GP6: variants seen among roughly 807,000 people sequenced by gnomAD.
The protein encoded by GP6 is glycoprotein VI platelet.
In GP6, 45 loss-of-function variants were observed where a neutral mutation model predicts 37.3. That is an observed-to-expected ratio of 1.21 (90% CI 0.95 to 1.55). GP6 has a LOEUF of 1.55. GP6 is among the 40% of genes most tolerant of loss of function. GP6 has a pLI of 0.00. For synonymous variants in GP6, 340 were observed against 316.4 expected (o/e 1.07, Z -0.79); for missense variants, 813 against 760.2 (o/e 1.07, Z -0.82).
rs146963210 is a variant in GP6, at chr19:55,015,816, CAT to C, written c.725-85_725-84del. On this transcript the variant is annotated intron_variant, in intron 6 of 7. Transcript: ENST00000310373. The stretch of plus-strand genomic sequence containing the variant: ...TGTGCCTACTCCGAACACACACACA[CAT>C]GGGGAGGCACAATTCCACAGCATTT... 3.2e-3 allele frequency: 2,533 copies of C among 781,344 alleles called. 27 individuals carry two copies. The highest frequency in any genetic ancestry group is 0.032 in the African/African-American group (1,934 of 59,824). The allele number at this position is 781,344 out of a possible 1,614,324, so 48.4% of individuals were successfully genotyped here.
rs374842617 is a variant in GP6 at position 55,025,280 on chromosome 19, T to A, written c.611-9A>T. 7.8e-6 allele frequency: 12 copies of A among 1,530,150 alleles called. No homozygotes were observed. In the African/African-American group the frequency reaches 1.4e-4, roughly 18 times the overall value. The allele number at this position is 1,530,150 out of a possible 1,614,324, so 94.8% of individuals were successfully genotyped here. A position where few individuals can be genotyped will look rare whatever the true frequency, so the allele number is the denominator to read the frequency against. On this transcript the variant is annotated splice_polypyrimidine_tract_variant and intron_variant, in intron 4 of 7. Coordinates refer to ENST00000310373, the MANE Select transcript of GP6 (RefSeq NM_001083899.2). The stretch of plus-strand genomic sequence containing the variant: ...GGGGGTCACAGAGGTTCCTGGGAAA[T>A]CAGAAAATGAGATAAATCTGTGCTC...
At position 55,018,500 on chromosome 19, in the gene GP6, T is replaced by C. The variant is rs1244930805; in HGVS notation, c.724+152A>G. The C allele has an allele frequency of 5.4e-6, 4 of 747,490 alleles. No homozygotes were observed. In the African/African-American group the frequency reaches 6.8e-5, roughly 13 times the overall value. The allele number at this position is 747,490 out of a possible 1,614,324, so 46.3% of individuals were successfully genotyped here. A position where few individuals can be genotyped will look rare whatever the true frequency, so the allele number is the denominator to read the frequency against. On this transcript the variant is annotated intron_variant, in intron 6 of 7. Transcript: ENST00000310373. Reference sequence around the variant, plus strand: ...CCTTCTGAACCCCAGAGCTCCACTCTGCACCCATGCTCTAGCCTCACACCA... The same window carrying C: ...CCTTCTGAACCCCAGAGCTCCACTCCGCACCCATGCTCTAGCCTCACACCA...
intron 6 of GP6, among the ~76,000 whole-genome samples, chr19:55,017,944 TATAATCCCAGCTACTCGGG>T (rs1336157735): frequency 3.9e-5 from 6 of 152,016 alleles, no homozygotes. Flanking sequence ...GGCATGCACC[TATAATCCCAGCTACTCGGG>T]AGGCTGAGGC....
chr19:55,019,448 A>G (rs2073996666), intron 5 of GP6, among the ~76,000 whole-genome samples: 1 of 152,168 alleles, frequency 6.6e-6, no homozygotes, highest in Admixed American at 6.5e-5. Context: ...CCCACCAGCA[A>G]TATAAGAAGG....
rs771380662 is a variant in GP6, at chr19:55,014,990, CAGCGGGAGG to C, written c.946_954del (p.Pro316_Ala318del). 1.1e-4 allele frequency: 173 copies of C among 1,612,934 alleles called. No individual in the cohort carries two copies. The Middle Eastern group carries it at 1.3e-3, about 12-fold the overall frequency. On this transcript the variant is annotated inframe_deletion, in exon 8 of 8. Coordinates refer to ENST00000310373, the MANE Select transcript of GP6 (RefSeq NM_001083899.2). ...CCTGACCCCCGTTTGATTTCCGGGTCAGCGGGAGGGGCGGGAGGGGCGGAAGCGGCCTCT... is the reference window on the plus strand; with the variant it reads ...CCTGACCCCCGTTTGATTTCCGGGTCGGCGGGAGGGGCGGAAGCGGCCTCT...
chr19:55,018,516 C>A, intron 6 of GP6, 136 bp downstream of exon 6: 1 of 769,916 alleles, frequency 1.3e-6, no homozygotes, highest in Non-Finnish European at 2.4e-6. Context: ...CATGCTCTAG[C>A]CTCACACCAA....
Position 55,015,065 on chromosome 19 carries a change from G to C in GP6, c.880C>G (p.Gln294Glu), listed in dbSNP as rs762049176. 1 of 1,606,018 alleles carries C rather than the reference G, an allele frequency of 6.2e-7. No homozygotes were observed. Among genetic ancestry groups the C allele is most frequent in the African/African-American group, 1.3e-5 (1 of 74,738 alleles). ...TGTGCCGCAGGCGCTTCCTCCGGCT[G>C]TGCCAGTCCTCTGCCAGAAACCCCG... The change falls in exon 8 of 8, where the codon CAG becomes GAG. Residue 294 changes from glutamine to glutamate, a missense_variant. By Grantham distance (29) the Gln-to-Glu change is conservative. Transcript: ENST00000310373.
chr19:55,024,302 A>ACACG (rs1568612781), intron 5 of GP6, among the ~76,000 whole-genome samples: 3 of 144,162 alleles, frequency 2.1e-5, no homozygotes, highest in Non-Finnish European at 3.0e-5. Flanking sequence ...GCACGCATGC[A>ACACG]CACACATATG....
intron 6 of GP6, among the ~76,000 whole-genome samples, chr19:55,018,287 T>G (rs2073948866): frequency 6.6e-6 from 1 of 152,196 alleles, no homozygotes; most frequent in South Asian, 2.1e-4. Context: ...TCCAGGTGCC[T>G]ACAGTCTGTG....
chr19:55,018,701 T>C lies in GP6; in HGVS notation c.675A>G (p.Glu225=). 1.2e-6 allele frequency: 2 copies of C among 1,607,436 alleles called. No individual in the cohort carries two copies. The highest frequency in any genetic ancestry group is 2.2e-5 in the South Asian group (2 of 90,980). Residue 225 remains glutamate (E), a synonymous_variant, in exon 6 of 8, where the codon GAA becomes GAG. Transcript: ENST00000310373. ...ATGAGACGGTCAGTTCAGCGGTGGC[T>C]TCTGAGAATTCTAAGAAAGCAAAAC...
At chr19:55,029,350 ATATATATATATATATATATATATATTTTT>A (rs2074455769) in intron 3 of GP6, among the ~76,000 whole-genome samples, 2 of 2,506 alleles carry the variant, frequency 8.0e-4, no homozygotes, top group Admixed American at 8.1e-3. Context: ...ATATATATAT[ATATATATATATATATATATATATATTTTT>A]TTTTTTTTTT....
rs186050530 is a variant in GP6, at chr19:55,020,263, G to A, written c.665-1552C>T. On this transcript the variant is annotated intron_variant, in intron 5 of 7. Transcript: ENST00000310373. ...CAGAATCCATGTGCAGGACGTGCAG[G>A]TTTGTTACATAGGTAAACGTGTGCC... Among the ~76,000 whole-genome samples, 6 of 151,136 alleles carry A rather than the reference G, an allele frequency of 4.0e-5. No individual in the cohort carries two copies. In the East Asian group the frequency reaches 1.2e-3, roughly 29 times the overall value.
intron 1 of GP6, among the ~76,000 whole-genome samples, chr19:55,036,898 C>G (rs1256259760): frequency 6.6e-6 from 1 of 152,092 alleles, no homozygotes; most frequent in Non-Finnish European, 1.5e-5. Flanking sequence ...GTAATCCCAA[C>G]TATTCGGGAG....
intron 7 of GP6, 150 bp from the exon 8 acceptor site, chr19:55,015,315 A>AG (rs1423291600): frequency 3.2e-6 from 4 of 1,267,776 alleles, no homozygotes; most frequent in Non-Finnish European, 2.2e-6. Context: ...CTTCCCGAGT[A>AG]GGGGTCAGGG....
At chr19:55,016,103 C>T (rs1462801668) in intron 6 of GP6, among the ~76,000 whole-genome samples, 1 of 151,642 alleles carries the variant, frequency 6.6e-6, no homozygotes, top group Non-Finnish European at 1.5e-5. Flanking sequence ...GATTGTACCA[C>T]TGCACTCTAG....
rs1048052493 is a variant in GP6, at chr19:55,014,795, C to T, written c.1150G>A (p.Ala384Thr). Reference sequence around the variant, plus strand: ...CTGATGGAACACCAGGAGGAGGCAGCATGGCCTCGTTTCCACAGCTGTAGC... The same window carrying T: ...CTGATGGAACACCAGGAGGAGGCAGTATGGCCTCGTTTCCACAGCTGTAGC... Residue 384 changes from alanine (A) to threonine (T), a missense_variant, in exon 8 of 8, where the codon GCT (alanine) becomes ACT (threonine). Ala to Thr is a moderately conservative substitution (Grantham distance 58). Coordinates refer to ENST00000310373, the MANE Select transcript of GP6 (RefSeq NM_001083899.2). 1.9e-6 allele frequency: 3 copies of T among 1,613,738 alleles called. No homozygotes were observed. Among genetic ancestry groups the T allele is most frequent in the Non-Finnish European group, 2.5e-6 (3 of 1,179,892 alleles).
At chr19:55,016,473 T>C (rs560982559) in intron 6 of GP6, among the ~76,000 whole-genome samples, 44 of 149,216 alleles carry the variant, frequency 2.9e-4, no homozygotes, top group Non-Finnish European at 5.2e-4. Flanking sequence ...CCTCCTGGGC[T>C]CAAGCGATTC....
Position 55,015,009 on chromosome 19 carries a change from G to T in GP6, c.936C>A (p.Ala312=). 2.5e-6 allele frequency: 4 copies of T among 1,612,332 alleles called. No individual in the cohort carries two copies. The highest frequency in any genetic ancestry group is 3.4e-6 in the Non-Finnish European group (4 of 1,179,410). ...CCGGGTCAGCGGGAGGGGCGGGAGG[G>T]GCGGAAGCGGCCTCTGCACAGCCCT... Residue 312 remains alanine (A), a synonymous_variant, in exon 8 of 8, where the codon GCC becomes GCA. Coordinates refer to ENST00000310373, the MANE Select transcript of GP6 (RefSeq NM_001083899.2).
In GP6 at chr19:55,029,973, T is replaced by A. The variant is rs570329932; in HGVS notation, c.326-2111A>T. ...CAGTGCAGCTGGCCAGGAATTAGGG[T>A]GGCGTGAGTGAGGCACTCTCCTGGG... On this transcript the variant is annotated intron_variant, in intron 3 of 7. Coordinates refer to ENST00000310373, the MANE Select transcript of GP6 (RefSeq NM_001083899.2). Among the ~76,000 whole-genome samples, 157 of 152,146 alleles carry A rather than the reference T, an allele frequency of 1.0e-3. 1 individual carries two copies. Among genetic ancestry groups the A allele is most frequent in the Non-Finnish European group, 1.8e-3 (123 of 67,992 alleles).
Sources: allele counts gnomAD v4.1 joint callset (sites outside exome capture counted in the v4.1 genomes callset), GRCh38; gene constraint gnomAD v4.1.1; transcripts MANE v1.5; gene names NCBI Gene and HGNC (gene_info 2026-07-23, HGNC 2026-07-21).